The following MARK1 variants were observed in gnomAD, a reference collection of about 807,000 sequenced individuals.
MARK1 encodes serine/threonine-protein kinase MARK1.
In MARK1, 40 loss-of-function variants were observed where a neutral mutation model predicts 96.3. The ratio of observed to expected loss-of-function variants is 0.42; its 90% CI spans 0.32 to 0.54. The LOEUF (loss-of-function observed/expected upper bound fraction) is 0.54. MARK1 is among the 20% of genes least tolerant of loss of function. The probability of loss-of-function intolerance (pLI) is 0.16; values close to 1 mark genes in which losing one functional copy is unlikely to be tolerated. For missense variants in MARK1, 719 were observed against 984.6 expected (o/e 0.73, Z 3.61); for synonymous variants, 317 against 341.2 (o/e 0.93, Z 0.78).
intron 1 of MARK1, among the ~76,000 whole-genome samples, chr1:220,571,513 T>A (rs966327087): frequency 9.9e-5 from 15 of 152,066 alleles, no homozygotes; most frequent in Admixed American, 4.6e-4. Context: ...AATATGAAAA[T>A]TCACCTTCAA....
At chr1:220,626,139 G>T in intron 9 of MARK1, 1 of 617,788 alleles carries the variant, frequency 1.6e-6, no homozygotes. Flanking sequence ...CTGTGAATTG[G>T]GCTGGGGGCC....
At chr1:220,581,034 C>G in intron 2 of MARK1, 31 bp from the exon 3 acceptor site, 1 of 996,842 alleles carries the variant, frequency 1.0e-6, no homozygotes, top group Admixed American at 3.2e-5. Flanking sequence ...ATGCATTTTT[C>G]AAATAGAGTT....
intron 3 of MARK1, among the ~76,000 whole-genome samples, chr1:220,592,024 A>G (rs1032447029): frequency 6.6e-6 from 1 of 151,920 alleles, no homozygotes; most frequent in Non-Finnish European, 1.5e-5. Flanking sequence ...TGTTTTGTCA[A>G]ACAACAAACA....
intron 6 of MARK1, 54 bp from the exon 7 acceptor site, chr1:220,615,885 G>A: frequency 2.2e-6 from 2 of 910,494 alleles, no homozygotes; most frequent in Admixed American, 2.2e-5. Context: ...TGATTATTGG[G>A]GAAAATTGCG....
Position 220,654,224 on chromosome 1 carries a change from A to C in MARK1, c.1988+872A>C, listed in dbSNP as rs151304505. Among the ~76,000 whole-genome samples the C allele has an allele frequency of 7.4e-3, 1,131 of 152,346 alleles. 8 individuals carry two copies. The highest frequency in any genetic ancestry group is 0.012 in the Non-Finnish European group (816 of 68,030). Reference sequence around the variant, plus strand: ...GAGGAAGACACAATTGTTTCTATCTAGGGAGACAGTGAAGGCACCCTATCA... The same window carrying C: ...GAGGAAGACACAATTGTTTCTATCTCGGGAGACAGTGAAGGCACCCTATCA... On this transcript the variant is annotated intron_variant, in intron 16 of 17. Coordinates refer to ENST00000366917, the MANE Select transcript of MARK1 (RefSeq NM_018650.5). The surrounding 1 kb of genome is among the most constrained non-coding windows in gnomAD (Gnocchi z 4.0).
intron 7 of MARK1, among the ~76,000 whole-genome samples, chr1:220,617,802 A>G (rs1393178927): frequency 6.6e-6 from 1 of 152,216 alleles, no homozygotes; most frequent in Non-Finnish European, 1.5e-5. Flanking sequence ...ACATTCTACA[A>G]GAGAGAACAA....
At chr1:220,642,833 T>C (rs939558407) in intron 13 of MARK1, among the ~76,000 whole-genome samples, 1 of 151,824 alleles carries the variant, frequency 6.6e-6, no homozygotes, top group East Asian at 1.9e-4. Flanking sequence ...CGGTCTGGAG[T>C]GGACCCCCAG....
chr1:220,591,552 A>C (rs954837028), intron 3 of MARK1, among the ~76,000 whole-genome samples: 7 of 152,314 alleles, frequency 4.6e-5, no homozygotes, highest in African/African-American at 1.7e-4. Context: ...TTCCTAGTAC[A>C]CAGGAAATGC....
chr1:220,620,531 G>C (rs752432941), intron 9 of MARK1, among the ~76,000 whole-genome samples: 8 of 152,100 alleles, frequency 5.3e-5, no homozygotes, highest in Non-Finnish European at 1.0e-4. Flanking sequence ...ATTTTGGGGG[G>C]ATAGATATTA....
rs1203840076 is a variant in MARK1 at position 220,661,770 on chromosome 1, A to C, written c.2034-42A>C. 3 of 1,422,990 alleles carry C rather than the reference A, an allele frequency of 2.1e-6. No individual in the cohort carries two copies. The African/African-American group carries it at 4.3e-5, about 20-fold the overall frequency. 88.1% of individuals were successfully genotyped at this position (1,422,990 alleles called of 1,614,324 possible). A position where few individuals can be genotyped will look rare whatever the true frequency, so the allele number is the denominator to read the frequency against. ...TGTGTTTTGATCTCTTTGCTGAGTG[A>C]AATATTTGCTTTCATTCTTTCCCTT... is the stretch of plus-strand genomic sequence containing the variant. On this transcript the variant is annotated intron_variant, in intron 17 of 17. Coordinates refer to ENST00000366917, the MANE Select transcript of MARK1 (RefSeq NM_018650.5).
rs199881489 is a variant in MARK1, at chr1:220,618,580, C to T, written c.789+34C>T. 3 of 1,612,900 alleles carry T rather than the reference C, an allele frequency of 1.9e-6. No individual in the cohort carries two copies. The highest frequency in any genetic ancestry group is 3.3e-4 in the Middle Eastern group (2 of 6,062). On this transcript the variant is annotated intron_variant, in intron 8 of 17. Coordinates refer to ENST00000366917, the MANE Select transcript of MARK1 (RefSeq NM_018650.5). The surrounding 1 kb of genome is among the most constrained non-coding windows in gnomAD (Gnocchi z 4.6). ...TAAATTCTTTATTAATGTTTTATCC[C>T]CAAGTATGATTATGTCAAAAACCAG... is the stretch of plus-strand genomic sequence containing the variant.
At chr1:220,601,435 T>G (rs1353496182) in intron 5 of MARK1, among the ~76,000 whole-genome samples, 1 of 152,094 alleles carries the variant, frequency 6.6e-6, no homozygotes, top group Non-Finnish European at 1.5e-5. Context: ...CCATGTAAAT[T>G]TCCATAAAAT....
At chr1:220,577,007 C>T (rs1375657390) in intron 1 of MARK1, among the ~76,000 whole-genome samples, 1 of 152,134 alleles carries the variant, frequency 6.6e-6, no homozygotes, top group African/African-American at 2.4e-5. Flanking sequence ...GCCTATATCT[C>T]AGCACTTTGG....
Position 220,528,744 on chromosome 1 carries a change from C to T in MARK1, c.-79C>T. ...CCCCGGCCTTGTGCTCGCGTCCGCA[C>T]CCCTTTCCTGTCGCCCCCCGGGGCC... is the stretch of plus-strand genomic sequence containing the variant. On this transcript the variant is annotated 5_prime_UTR_variant, in exon 1 of 18. Coordinates refer to ENST00000366917, the MANE Select transcript of MARK1 (RefSeq NM_018650.5). 3 of 1,387,204 alleles carry T rather than the reference C, an allele frequency of 2.2e-6. No individual in the cohort carries two copies. Among genetic ancestry groups the T allele is most frequent in the Non-Finnish European group, 3.0e-6 (3 of 1,013,842 alleles). 85.9% of individuals were successfully genotyped at this position (1,387,204 alleles called of 1,614,324 possible).
At chr1:220,622,969 A>G (rs1026811689) in intron 9 of MARK1, among the ~76,000 whole-genome samples, 3 of 152,120 alleles carry the variant, frequency 2.0e-5, no homozygotes, top group Non-Finnish European at 4.4e-5. Flanking sequence ...ATTCGTCTGA[A>G]TTAATTATTT....
At chr1:220,635,677 G>T (rs1667921446) in intron 12 of MARK1, 148 bp downstream of exon 12, 9 of 1,143,818 alleles carry the variant, frequency 7.9e-6, no homozygotes, top group Admixed American at 6.0e-5. Flanking sequence ...AATCCCTTTT[G>T]CAGGGACTGA....
intron 10 of MARK1, among the ~76,000 whole-genome samples, chr1:220,631,592 A>G (rs961302651): frequency 2.2e-4 from 34 of 152,180 alleles, no homozygotes; most frequent in African/African-American, 7.7e-4. Flanking sequence ...TACTGCCCAT[A>G]CCCAACCAGA....
intron 13 of MARK1, among the ~76,000 whole-genome samples, chr1:220,637,231 A>G (rs1251843136): frequency 6.6e-6 from 1 of 152,244 alleles, no homozygotes; most frequent in African/African-American, 2.4e-5. Context: ...AAAGTATTTT[A>G]TGTAGTAACA....
chr1:220,546,972 C>CA (rs56026911), intron 1 of MARK1, among the ~76,000 whole-genome samples: 1,821 of 131,078 alleles, frequency 0.014, 39 homozygotes, highest in African/African-American at 0.047. Context: ...ACTCCGTCTC[C>CA]AAAAAAAAAA....
Sources: gnomAD v4.1 joint callset for allele counts (sites outside exome capture counted in the v4.1 genomes callset) on GRCh38, gnomAD v4.1.1 for gene constraint, Gnocchi (gnomAD v3.1) non-coding constraint, MANE v1.5 for transcripts, NCBI Gene and HGNC (gene_info 2026-07-23, HGNC 2026-07-21) for gene names.